The following STAG1 variants were observed in gnomAD, a reference collection of about 807,000 sequenced individuals.
The protein encoded by STAG1 is STAG1 cohesin complex component, also known as cohesin subunit SA-1.
Under a neutral mutation model 170.9 loss-of-function variants are expected in STAG1, and 26 were observed. The observed-to-expected ratio is 0.15, with a 90% CI of 0.11 to 0.21. The LOEUF is 0.21. Ranked by LOEUF, STAG1 falls within the 10% of genes least tolerant of loss-of-function variation. The probability of loss-of-function intolerance (pLI) is 1.00; values close to 1 mark genes in which losing one functional copy is unlikely to be tolerated. For missense variants in STAG1, 964 were observed against 1,509.5 expected, an observed-to-expected ratio of 0.64 and a Z score of 5.99; for synonymous variants, 514 against 497.7, an observed-to-expected ratio of 1.03 and a Z score of -0.44.
At chr3:136,610,884 T>C (rs1233422576) in intron 3 of STAG1, among the ~76,000 whole-genome samples, 2 of 152,200 alleles carry the variant, frequency 1.3e-5, no homozygotes, top group Non-Finnish European at 2.9e-5. Context: ...ATTCAACCCT[T>C]TCTCTTCCCC....
In STAG1 at chr3:136,489,353, T is replaced by G. The variant is rs562035133; in HGVS notation, c.902+10870A>C. The stretch of plus-strand genomic sequence containing the variant: ...TAATTATTTTCTGCTTATAACAAAA[T>G]GAGGTTGAACTCCAGTGAATTTTAA... On this transcript the variant is annotated intron_variant, in intron 9 of 33. Transcript: ENST00000383202. 5.9e-5 allele frequency among the ~76,000 whole-genome samples: 9 copies of G among 152,360 alleles called. No individual in the cohort carries two copies. In the South Asian group the frequency reaches 1.0e-3, roughly 18 times the overall value.
intron 1 of STAG1, among the ~76,000 whole-genome samples, chr3:136,702,075 A>AAGAGAGAGAGAGAGAGAGAGAGAGAGAG (rs745623191): frequency 3.3e-5 from 3 of 92,206 alleles, no homozygotes; most frequent in Non-Finnish European, 4.1e-5. Context: ...ACCATGCCGA[A>AAGAGAGAGAGAGAGAGAGAGAGAGAGAG]AGAGAGAGAG....
At chr3:136,343,726 C>G (rs1936096320) in intron 30 of STAG1, 106 bp downstream of exon 30, 1 of 881,456 alleles carries the variant, frequency 1.1e-6, no homozygotes, top group Non-Finnish European at 1.6e-6. Context: ...TGTGGCTTAT[C>G]ATGAACTGAC....
chr3:136,527,246 T>A (rs1935083700), intron 6 of STAG1, among the ~76,000 whole-genome samples: 1 of 152,238 alleles, frequency 6.6e-6, no homozygotes, highest in Non-Finnish European at 1.5e-5. Context: ...GATGTAGATT[T>A]GGTCTTTCAC....
At chr3:136,536,422 T>C (rs1471249317) in intron 6 of STAG1, among the ~76,000 whole-genome samples, 3 of 152,018 alleles carry the variant, frequency 2.0e-5, no homozygotes, top group African/African-American at 7.2e-5. Flanking sequence ...TCTGACTATA[T>C]AAAACACAGA....
intron 1 of STAG1, among the ~76,000 whole-genome samples, chr3:136,674,856 C>T (rs1576748858): frequency 6.6e-6 from 1 of 152,034 alleles, no homozygotes; most frequent in East Asian, 1.9e-4. Flanking sequence ...CCTTAAAAAA[C>T]GAAATTCTAC....
At chr3:136,420,244 C>CA (rs71157379) in intron 20 of STAG1, among the ~76,000 whole-genome samples, 6,348 of 34,848 alleles carry the variant, frequency 0.18, 747 homozygotes, top group Non-Finnish European at 0.24. Flanking sequence ...GAGACTCTGT[C>CA]AAAAAAAAAA....
chr3:136,416,895 A>C (rs1576444883), intron 21 of STAG1, among the ~76,000 whole-genome samples: 1 of 148,520 alleles, frequency 6.7e-6, no homozygotes, highest in Non-Finnish European at 1.5e-5. Flanking sequence ...ACCAAGGCTG[A>C]AGTGCAGTGG....
chr3:136,340,048 G>A (rs755380957), intron 32 of STAG1, among the ~76,000 whole-genome samples: 7 of 152,300 alleles, frequency 4.6e-5, no homozygotes, highest in South Asian at 2.1e-4. Flanking sequence ...GCTTTGAAAG[G>A]AGGCTTGAAG....
In STAG1 at chr3:136,623,127, A is replaced by G. The variant is rs1354227699; in HGVS notation, c.132+19T>C. ...ACGGTCACTATTAAAGGAACAAAGAAGACAAGCATAATACATACTGGAGGC... is the reference window on the plus strand; with the variant it reads ...ACGGTCACTATTAAAGGAACAAAGAGGACAAGCATAATACATACTGGAGGC... On this transcript the variant is annotated intron_variant, in intron 3 of 33. Transcript: ENST00000383202. 1 of 1,596,978 alleles carries G rather than the reference A, an allele frequency of 6.3e-7. No homozygotes were observed. Among genetic ancestry groups the G allele is most frequent in the Non-Finnish European group, 8.6e-7 (1 of 1,168,718 alleles).
chr3:136,344,091 G>GACT, intron 29 of STAG1, 85 bp from the exon 30 acceptor site: 2 of 1,020,214 alleles, frequency 2.0e-6, no homozygotes, highest in Non-Finnish European at 2.7e-6. Context: ...TGAAGAGTGT[G>GACT]GCTCTGCAGT....
chr3:136,678,872 AGAAGAAAAAG>A (rs1942231492), intron 1 of STAG1, among the ~76,000 whole-genome samples: 1 of 148,744 alleles, frequency 6.7e-6, no homozygotes, highest in Non-Finnish European at 1.5e-5. Context: ...AAAAAGAAAA[AGAAGAAAAAG>A]AAAAAAAAAA....
At chr3:136,477,555 G>C in intron 9 of STAG1, 143 bp from the exon 10 acceptor site, 1 of 628,352 alleles carries the variant, frequency 1.6e-6, no homozygotes, top group Non-Finnish European at 2.5e-6. Flanking sequence ...AGTATCTTCT[G>C]TTTTTCATGT....
At chr3:136,438,066 T>C (rs1454613660) in intron 15 of STAG1, among the ~76,000 whole-genome samples, 1 of 152,184 alleles carries the variant, frequency 6.6e-6, no homozygotes, top group African/African-American at 2.4e-5. Context: ...CTATATCATC[T>C]GATTTCTGCT....
intron 1 of STAG1, among the ~76,000 whole-genome samples, chr3:136,711,231 A>G (rs1559965302): frequency 2.0e-5 from 3 of 152,072 alleles, no homozygotes; most frequent in Non-Finnish European, 4.4e-5. Context: ...AGTCCAAAAG[A>G]TTCTGTGGTT....
chr3:136,499,067 C>A (rs1933320842), intron 9 of STAG1, among the ~76,000 whole-genome samples: 1 of 152,176 alleles, frequency 6.6e-6, no homozygotes, highest in East Asian at 1.9e-4. Flanking sequence ...TCCATGTAAA[C>A]AGGTTTCGTA....
chr3:136,366,358 T>C (rs1263777298), intron 25 of STAG1, among the ~76,000 whole-genome samples: 1 of 152,146 alleles, frequency 6.6e-6, no homozygotes, highest in African/African-American at 2.4e-5. Context: ...TGCTACATTA[T>C]ATTATGTTTA....
chr3:136,582,521 G>A (rs538742628), intron 4 of STAG1, among the ~76,000 whole-genome samples: 1 of 152,342 alleles, frequency 6.6e-6, no homozygotes, highest in South Asian at 2.1e-4. Flanking sequence ...ATTCCAGGCT[G>A]GGCACGGTGG....
At chr3:136,632,958 G>A (rs1940390213) in intron 1 of STAG1, among the ~76,000 whole-genome samples, 1 of 152,062 alleles carries the variant, frequency 6.6e-6, no homozygotes, top group African/African-American at 2.4e-5. Context: ...CCACCAAGAT[G>A]AAAAATGTCA....
Sources: allele counts gnomAD v4.1 joint callset (sites outside exome capture counted in the v4.1 genomes callset), GRCh38; gene constraint gnomAD v4.1.1; transcripts MANE v1.5; gene names NCBI Gene and HGNC (gene_info 2026-07-23, HGNC 2026-07-21).